SLC22A24: variants seen among roughly 807,000 people sequenced by gnomAD.
The protein encoded by SLC22A24 is steroid transmembrane transporter SLC22A24.
Under a neutral mutation model 49.8 loss-of-function variants are expected in SLC22A24, and 53 were observed. That is an observed-to-expected ratio of 1.06 (90% CI 0.85 to 1.34). SLC22A24 has a LOEUF of 1.34. Ranked by LOEUF, SLC22A24 falls within the 40% of genes most tolerant of loss-of-function variation. The probability of loss-of-function intolerance (pLI) is 0.00; values close to 1 mark genes in which losing one functional copy is unlikely to be tolerated. For synonymous variants in SLC22A24, 302 were observed against 256.4 expected, an observed-to-expected ratio of 1.18 and a Z score of -1.70; for missense variants, 786 against 675.9, an observed-to-expected ratio of 1.16 and a Z score of -1.81.
In SLC22A24 at chr11:63,099,371, A is replaced by ATTTTTTTTTTTTTTT. The variant is rs56708217; in HGVS notation, c.955-3280_955-3266dup. On this transcript the variant is annotated intron_variant, in intron 5 of 9. Coordinates refer to ENST00000612278, the MANE Select transcript of SLC22A24 (RefSeq NM_001136506.2). ...CCACCACACCTGGCTAATTTTTAAG[A>ATTTTTTTTTTTTTTT]TTTTTTTTTTTTTTTTTTTTTTTTT... Among the ~76,000 whole-genome samples the ATTTTTTTTTTTTTTT allele has an allele frequency of 5.1e-3, 268 of 52,336 alleles. 31 individuals are homozygous for ATTTTTTTTTTTTTTT. Among genetic ancestry groups the ATTTTTTTTTTTTTTT allele is most frequent in the African/African-American group, 5.5e-3 (74 of 13,516 alleles). 34.3% of individuals were successfully genotyped at this position (52,336 alleles called of 152,430 possible). A position where few individuals can be genotyped will look rare whatever the true frequency, so the allele number is the denominator to read the frequency against.
chr11:63,094,181 C>T (rs1306799419), intron 6 of SLC22A24, among the ~76,000 whole-genome samples: 2 of 136,334 alleles, frequency 1.5e-5, no homozygotes, highest in Non-Finnish European at 3.1e-5. Flanking sequence ...GTGATGTTCC[C>T]CTTCCTGTGT....
chr11:63,106,870 T>C (rs1257665779), intron 4 of SLC22A24, among the ~76,000 whole-genome samples: 2 of 152,208 alleles, frequency 1.3e-5, no homozygotes, highest in Non-Finnish European at 2.9e-5. Flanking sequence ...TTTCTCCGAT[T>C]TTTTAGGTTG....
intron 5 of SLC22A24, among the ~76,000 whole-genome samples, chr11:63,099,371 A>ATATTTTTTT (rs2087076388): frequency 1.9e-5 from 1 of 52,320 alleles, no homozygotes; most frequent in Non-Finnish European, 3.2e-5. Flanking sequence ...AATTTTTAAG[A>ATATTTTTTT]TTTTTTTTTT....
chr11:63,113,905 GC>G (rs2087194205), intron 4 of SLC22A24, among the ~76,000 whole-genome samples: 1 of 151,430 alleles, frequency 6.6e-6, no homozygotes, highest in Non-Finnish European at 1.5e-5. Flanking sequence ...CTCTCTTCTG[GC>G]TTTTTGGGTT....
chr11:63,125,760 T>C (rs938320099), intron 2 of SLC22A24, among the ~76,000 whole-genome samples: 18 of 151,288 alleles, frequency 1.2e-4, no homozygotes, highest in African/African-American at 4.4e-4. Context: ...TGAACTAATT[T>C]ACACTCCCAC....
At chr11:63,139,573 C>G (rs1344769717) in intron 1 of SLC22A24, among the ~76,000 whole-genome samples, 12 of 152,138 alleles carry the variant, frequency 7.9e-5, no homozygotes, top group Admixed American at 7.9e-4. Flanking sequence ...TCCCCAACCC[C>G]CAATGAGAAA....
rs1368996157 is a variant in SLC22A24 at position 63,083,363 on chromosome 11, T to C, written c.1165A>G (p.Thr389Ala). 6.4e-7 allele frequency: 1 copy of C among 1,552,718 alleles called. No homozygotes were observed. Among genetic ancestry groups the C allele is most frequent in the Non-Finnish European group, 8.7e-7 (1 of 1,147,358 alleles). The change falls in exon 7 of 10, where the codon ACA becomes GCA. Residue 389 changes from threonine (T) to alanine (A), a missense_variant. Coordinates refer to ENST00000612278, the MANE Select transcript of SLC22A24 (RefSeq NM_001136506.2). ...SLFQILCGAV[T>A]FTARCVSLLT... ...AGGGAAACACATCTGGCTGTGAATG[T>C]GACAGCTCCACAGAGAATCTGGAAC...
Position 63,125,606 on chromosome 11 carries a change from C to T in SLC22A24, c.507-6271G>A, listed in dbSNP as rs947821921. 5.3e-5 allele frequency among the ~76,000 whole-genome samples: 8 copies of T among 152,030 alleles called. No homozygotes were observed. The East Asian group carries it at 5.8e-4, about 11-fold the overall frequency. On this transcript the variant is annotated intron_variant, in intron 2 of 9. Transcript: ENST00000612278. ...AAGTATTTGCTATTGTGAATAGTGC[C>T]GCGGTAAACATACGTGTGGATGTGT...
intron 5 of SLC22A24, among the ~76,000 whole-genome samples, chr11:63,101,524 CT>C (rs545440657): frequency 5.1e-4 from 78 of 151,968 alleles, no homozygotes; most frequent in African/African-American, 1.7e-3. Context: ...ATATGGATCA[CT>C]ACTATAAGGT....
intron 5 of SLC22A24, among the ~76,000 whole-genome samples, chr11:63,102,591 G>C (rs564673330): frequency 1.3e-5 from 2 of 152,246 alleles, no homozygotes; most frequent in East Asian, 3.9e-4. Context: ...ACACATGATA[G>C]CGTGGGATAG....
rs1345443742 is a variant in SLC22A24 at position 63,134,657 on chromosome 11, A to T, written c.506+8T>A. 9 of 1,461,462 alleles carry T rather than the reference A, an allele frequency of 6.2e-6. No homozygotes were observed. The highest frequency in any genetic ancestry group is 8.5e-6 in the Non-Finnish European group (9 of 1,064,634). 90.5% of individuals were successfully genotyped at this position (1,461,462 alleles called of 1,614,324 possible). ...AAACAGCCCCAAAGAAAGTGAGATG[A>T]CACTCACCTGTCTGAAAGATGGCCA... is the stretch of plus-strand genomic sequence containing the variant. On this transcript the variant is annotated splice_region_variant and intron_variant, in intron 2 of 9. Transcript: ENST00000612278.
chr11:63,111,803 C>T (rs2087167453), intron 4 of SLC22A24, among the ~76,000 whole-genome samples: 1 of 152,062 alleles, frequency 6.6e-6, no homozygotes, highest in Non-Finnish European at 1.5e-5. Flanking sequence ...AAAACCAGCT[C>T]CTGGATTCAT....
chr11:63,136,377 A>G (rs761994948), intron 1 of SLC22A24, among the ~76,000 whole-genome samples: 2 of 152,218 alleles, frequency 1.3e-5, no homozygotes, highest in Non-Finnish European at 2.9e-5. Flanking sequence ...GAAAACTGCA[A>G]CACCTGCAAC....
chr11:63,123,724 C>A (rs189221905), intron 2 of SLC22A24, among the ~76,000 whole-genome samples: 1 of 152,144 alleles, frequency 6.6e-6, no homozygotes, highest in Non-Finnish European at 1.5e-5. Flanking sequence ...TCCTAGCAGT[C>A]CCCCAATAGT....
intron 6 of SLC22A24, among the ~76,000 whole-genome samples, chr11:63,089,087 C>G (rs1467477096): frequency 1.3e-5 from 2 of 152,082 alleles, no homozygotes; most frequent in Non-Finnish European, 2.9e-5. Flanking sequence ...CACTAAGATA[C>G]TCCTCAAGAA....
Position 63,130,703 on chromosome 11 carries a change from G to A in SLC22A24, c.506+3962C>T, listed in dbSNP as rs2087327985. On this transcript the variant is annotated intron_variant, in intron 2 of 9. Transcript: ENST00000612278. ...CAACTTCTTCCTGGTTTAGTCTTGG[G>A]AGGGTGTATTTGTCCAGGAATTTAT... 2.0e-5 allele frequency among the ~76,000 whole-genome samples: 3 copies of A among 152,134 alleles called. No individual in the cohort carries two copies. The South Asian group carries it at 6.2e-4, about 32-fold the overall frequency.
chr11:63,140,932 G>A (rs996019179), intron 1 of SLC22A24, among the ~76,000 whole-genome samples: 5 of 152,272 alleles, frequency 3.3e-5, no homozygotes, highest in South Asian at 4.1e-4. Flanking sequence ...TTTGTAAAGC[G>A]TTAATCTTAT....
intron 4 of SLC22A24, among the ~76,000 whole-genome samples, chr11:63,114,667 C>G (rs557882266): frequency 6.6e-6 from 1 of 152,168 alleles, no homozygotes; most frequent in Non-Finnish European, 1.5e-5. Flanking sequence ...AGCTTTTCTG[C>G]TCTGTTTTCT....
rs200830515 is a variant in SLC22A24, at chr11:63,113,229, C to CAT, written c.830+5681_830+5682dup. 5.6e-4 allele frequency among the ~76,000 whole-genome samples: 7 copies of CAT among 12,508 alleles called. 2 individuals carry two copies. Among genetic ancestry groups the CAT allele is most frequent in the African/African-American group, 1.3e-3 (7 of 5,582 alleles). The allele number at this position is 12,508 out of a possible 152,430, so 8.2% of individuals were successfully genotyped here. On this transcript the variant is annotated intron_variant, in intron 4 of 9. Transcript: ENST00000612278. ...ATATATATACACATATATATATATACATATATATATATATACACACATACA... is the reference window on the plus strand; with the variant it reads ...ATATATATACACATATATATATATACATATATATATATATATACACACATACA...
Sources: allele counts gnomAD v4.1 joint callset (sites outside exome capture counted in the v4.1 genomes callset), GRCh38; gene constraint gnomAD v4.1.1; transcripts MANE v1.5; gene names NCBI Gene and HGNC (gene_info 2026-07-23, HGNC 2026-07-21).